Variants in ATF7 observed in about 807,000 individuals in gnomAD.
ATF7 encodes the protein cyclic AMP-dependent transcription factor ATF-7.
ATF7 carries 10 observed loss-of-function variants against 50.4 expected under a neutral mutation model. That is an observed-to-expected ratio of 0.20 (90% CI 0.12 to 0.34). ATF7 has a LOEUF of 0.34. Among genes scored for constraint, ATF7 ranks in the 10% least tolerant of loss-of-function variants. The probability of loss-of-function intolerance (pLI) is 1.00; values close to 1 mark genes in which losing one functional copy is unlikely to be tolerated. For missense variants in ATF7, 465 were observed against 613.9 expected (o/e 0.76, Z 2.56); for synonymous variants, 201 against 226.4 (o/e 0.89, Z 1.01).
intron 2 of ATF7, among the ~76,000 whole-genome samples, chr12:53,556,646 T>C (rs1023326208): frequency 5.3e-5 from 8 of 152,226 alleles, no homozygotes; most frequent in African/African-American, 1.7e-4. Context: ...GGCTATGTTT[T>C]ACATAGTCCT....
intron 3 of ATF7, among the ~76,000 whole-genome samples, chr12:53,552,228 T>C (rs1194920742): frequency 1.3e-5 from 2 of 152,076 alleles, no homozygotes; most frequent in Non-Finnish European, 2.9e-5. Context: ...GTCAAAGGGA[T>C]CTTTTGTCTG....
intron 2 of ATF7, among the ~76,000 whole-genome samples, chr12:53,571,435 C>T (rs191640103): frequency 1.3e-5 from 2 of 152,122 alleles, no homozygotes; most frequent in Admixed American, 6.5e-5. Context: ...GAGGAGCAGG[C>T]AGATAACAGA....
chr12:53,609,331 T>C (rs1431517935), intron 1 of ATF7, among the ~76,000 whole-genome samples: 1 of 151,948 alleles, frequency 6.6e-6, no homozygotes, highest in African/African-American at 2.4e-5. Context: ...ATTTTGTATT[T>C]TTAGTAGAGA....
intron 1 of ATF7, among the ~76,000 whole-genome samples, chr12:53,618,774 G>T (rs139761317): frequency 6.6e-6 from 1 of 152,042 alleles, no homozygotes; most frequent in East Asian, 1.9e-4. Context: ...AGTTAGGGTC[G>T]GACGCGATGG....
At position 53,524,983 on chromosome 12, in the gene ATF7, T is replaced by G; in HGVS notation, c.928-222A>C. On this transcript the variant is annotated intron_variant, in intron 9 of 11. Coordinates refer to ENST00000420353, the MANE Select transcript of ATF7 (RefSeq NM_006856.3). This position sits in a 1 kb window ranked among gnomAD's most constrained non-coding sequence, Gnocchi z 4.6. ...TTCTCAGTCTCATACTTAGACAAAC[T>G]ACAGTTCATTTGGAAACTCTGATTA... 1 of 474,414 alleles carries G rather than the reference T, an allele frequency of 2.1e-6. No homozygotes were observed. Among genetic ancestry groups the G allele is most frequent in the South Asian group, 3.9e-5 (1 of 25,824 alleles). The allele number at this position is 474,414 out of a possible 1,614,324, so 29.4% of individuals were successfully genotyped here. A position where few individuals can be genotyped will look rare whatever the true frequency, so the allele number is the denominator to read the frequency against.
intron 2 of ATF7, among the ~76,000 whole-genome samples, chr12:53,595,994 T>C (rs900266300): frequency 6.6e-5 from 10 of 152,076 alleles, no homozygotes; most frequent in Non-Finnish European, 1.2e-4. Flanking sequence ...TCGAAGGATT[T>C]TTTCCTTAAA....
At chr12:53,555,831 T>C (rs1357408444) in intron 2 of ATF7, among the ~76,000 whole-genome samples, 1 of 151,206 alleles carries the variant, frequency 6.6e-6, no homozygotes, top group Admixed American at 6.6e-5. Flanking sequence ...TGTTTTGTTT[T>C]TGAGACAGAG....
intron 1 of ATF7, among the ~76,000 whole-genome samples, chr12:53,623,116 G>C (rs1299677384): frequency 1.3e-5 from 2 of 152,170 alleles, no homozygotes; most frequent in Non-Finnish European, 2.9e-5. Flanking sequence ...CAGAGCTAAA[G>C]AGCTTCAGCA....
intron 2 of ATF7, among the ~76,000 whole-genome samples, chr12:53,563,294 T>C (rs935633360): frequency 4.6e-5 from 7 of 152,262 alleles, no homozygotes; most frequent in Non-Finnish European, 5.9e-5. Flanking sequence ...TTTTAGTCTA[T>C]ATGGTCTCAC....
Position 53,552,764 on chromosome 12 carries a change from G to GA in ATF7, c.49-128dup. ...CCTGGAAAGAAGAACTGGAGAGGGA[G>GA]AAAAAACTGGAAGAGGAGAAGAGAT... On this transcript the variant is annotated intron_variant, in intron 2 of 11. Transcript: ENST00000420353. 4.3e-6 allele frequency: 3 copies of GA among 700,996 alleles called. No individual in the cohort carries two copies. The South Asian group carries it at 5.2e-5, about 12-fold the overall frequency. 43.4% of individuals were successfully genotyped at this position (700,996 alleles called of 1,614,324 possible).
rs1171668412 is a variant in ATF7, at chr12:53,609,173, A to G, written c.-21-8152T>C. Reference sequence around the variant, plus strand: ...TCTTTTTTCCTTTTTTTTTTTTTTGAGACAGGGTTCTGCTCTTGTTGCCCA... The same window carrying G: ...TCTTTTTTCCTTTTTTTTTTTTTTGGGACAGGGTTCTGCTCTTGTTGCCCA... On this transcript the variant is annotated intron_variant, in intron 1 of 11. Coordinates refer to ENST00000420353, the MANE Select transcript of ATF7 (RefSeq NM_006856.3). Among the ~76,000 whole-genome samples the G allele has an allele frequency of 2.3e-5, 3 of 128,356 alleles. No homozygotes were observed. The East Asian group carries it at 7.6e-4, about 32-fold the overall frequency. The allele number at this position is 128,356 out of a possible 152,430, so 84.2% of individuals were successfully genotyped here.
chr12:53,575,879 G>A (rs1357113332), intron 2 of ATF7: 3 of 152,876 alleles, frequency 2.0e-5, no homozygotes, highest in South Asian at 4.1e-4. Context: ...TGCAAGGAGT[G>A]TAGGTAAGAC....
At chr12:53,590,350 A>G (rs1351473299) in intron 2 of ATF7, among the ~76,000 whole-genome samples, 1 of 152,364 alleles carries the variant, frequency 6.6e-6, no homozygotes, top group African/African-American at 2.4e-5. Context: ...TAGAAGTACA[A>G]GAGTTTATTT....
intron 4 of ATF7, among the ~76,000 whole-genome samples, chr12:53,538,655 T>C (rs1411313069): frequency 1.3e-5 from 2 of 152,300 alleles, no homozygotes; most frequent in East Asian, 3.9e-4. Context: ...CAGTTCAGTT[T>C]CATAACAAAG....
In ATF7 at chr12:53,542,110, T is replaced by TTTTTTTTTTTG. The variant is rs1285442978; in HGVS notation, c.264+1219_264+1220insCAAAAAAAAAA. Among the ~76,000 whole-genome samples, 3 of 143,916 alleles carry TTTTTTTTTTTG rather than the reference T, an allele frequency of 2.1e-5. 1 individual carries two copies. In the East Asian group the frequency reaches 6.6e-4, roughly 32 times the overall value. The allele number at this position is 143,916 out of a possible 152,430, so 94.4% of individuals were successfully genotyped here. A position where few individuals can be genotyped will look rare whatever the true frequency, so the allele number is the denominator to read the frequency against. On this transcript the variant is annotated intron_variant, in intron 4 of 11. Coordinates refer to ENST00000420353, the MANE Select transcript of ATF7 (RefSeq NM_006856.3). ...TGTGAGCCACTGCGCCTGGCCTGTT[T>TTTTTTTTTTTG]TTTTTTTTTTTTTTTTAAGAGATAG...
intron 4 of ATF7, among the ~76,000 whole-genome samples, chr12:53,539,729 T>TGAATGAAA (rs1194279517): frequency 8.1e-6 from 1 of 124,032 alleles, no homozygotes; most frequent in Non-Finnish European, 1.7e-5. Flanking sequence ...AATGAATGAA[T>TGAATGAAA]GAAAAAAAAT....
chr12:53,600,855 T>C, intron 2 of ATF7, 98 bp downstream of exon 2: 1 of 1,187,694 alleles, frequency 8.4e-7, no homozygotes, highest in Non-Finnish European at 1.2e-6. Context: ...CCTCCAGTGA[T>C]CACGTAAAAT....
intron 3 of ATF7, among the ~76,000 whole-genome samples, chr12:53,546,254 G>A (rs987815180): frequency 3.3e-5 from 5 of 151,698 alleles, no homozygotes; most frequent in African/African-American, 1.2e-4. Context: ...CCGGTGTGGT[G>A]GTACATGTCT....
intron 1 of ATF7, among the ~76,000 whole-genome samples, chr12:53,612,556 G>C (rs1338250820): frequency 6.6e-6 from 1 of 152,124 alleles, no homozygotes; most frequent in East Asian, 1.9e-4. Flanking sequence ...ACAGGAGTGA[G>C]CCACCTTGCC....
Sources: gnomAD v4.1 joint callset for allele counts (sites outside exome capture counted in the v4.1 genomes callset) on GRCh38, gnomAD v4.1.1 for gene constraint, Gnocchi (gnomAD v3.1) non-coding constraint, MANE v1.5 for transcripts, NCBI Gene and HGNC (gene_info 2026-07-23, HGNC 2026-07-21) for gene names.